The following CDC42BPB variants were observed in gnomAD, a reference collection of about 807,000 sequenced individuals.
CDC42BPB encodes CDC42 binding protein kinase beta.
CDC42BPB carries 37 observed loss-of-function variants against 214.9 expected under a neutral mutation model. That is an observed-to-expected ratio of 0.17 (90% CI 0.13 to 0.23). CDC42BPB has a LOEUF of 0.23. CDC42BPB is among the 10% of genes least tolerant of loss of function. CDC42BPB has a pLI of 1.00. For synonymous variants in CDC42BPB, 931 were observed against 884.0 expected (o/e 1.05, Z -0.94); for missense variants, 1,694 against 2,227.0 (o/e 0.76, Z 4.82).
chr14:103,056,293 GGTTT>G (rs1169788673), intron 1 of CDC42BPB, among the ~76,000 whole-genome samples: 1 of 152,112 alleles, frequency 6.6e-6, no homozygotes, highest in Non-Finnish European at 1.5e-5. Flanking sequence ...CCTCTTGCAC[GGTTT>G]ATTTAAAATA....
chr14:102,950,397 C>A, intron 25 of CDC42BPB, 69 bp downstream of exon 25: 1 of 1,580,134 alleles, frequency 6.3e-7, no homozygotes. Context: ...TCAAGAGTGG[C>A]TGGGCATGGC....
chr14:103,039,649 C>T (rs1347385739), intron 1 of CDC42BPB, among the ~76,000 whole-genome samples: 1 of 152,052 alleles, frequency 6.6e-6, no homozygotes, highest in Non-Finnish European at 1.5e-5. Flanking sequence ...TATGAAAACC[C>T]GCAGCTAATG....
intron 1 of CDC42BPB, among the ~76,000 whole-genome samples, chr14:103,046,209 C>G (rs901606272): frequency 6.6e-6 from 1 of 151,850 alleles, no homozygotes; most frequent in Non-Finnish European, 1.5e-5. Context: ...GACAGCTATG[C>G]CCCCCAACCC....
At chr14:102,985,135 A>G (rs1226457226) in intron 6 of CDC42BPB, among the ~76,000 whole-genome samples, 25 of 115,124 alleles carry the variant, frequency 2.2e-4, no homozygotes, top group African/African-American at 5.9e-4. Flanking sequence ...ATACCGTGAC[A>G]GGGTGGTGTG....
chr14:102,992,802 TA>T (rs1444954661), intron 5 of CDC42BPB, among the ~76,000 whole-genome samples: 4 of 148,260 alleles, frequency 2.7e-5, no homozygotes, highest in Admixed American at 6.8e-5. Flanking sequence ...TTCAAAAATA[TA>T]TATTAAAAAT....
At chr14:102,947,649 G>A in intron 27 of CDC42BPB, 72 bp downstream of exon 27, 2 of 1,339,302 alleles carry the variant, frequency 1.5e-6, no homozygotes, top group Non-Finnish European at 1.1e-6. Context: ...GGCTGCCGCA[G>A]CACAATGACA....
intron 7 of CDC42BPB, among the ~76,000 whole-genome samples, chr14:102,981,815 G>A (rs1894017003): frequency 6.6e-6 from 1 of 152,184 alleles, no homozygotes; most frequent in African/African-American, 2.4e-5. Context: ...AAAGGAACAT[G>A]TCTGTGTGCT....
intron 1 of CDC42BPB, among the ~76,000 whole-genome samples, chr14:103,012,538 C>T (rs1204848554): frequency 6.6e-6 from 1 of 152,192 alleles, no homozygotes; most frequent in Non-Finnish European, 1.5e-5. Context: ...GGCGCGGTGG[C>T]TCATGGCTGT....
chr14:103,029,338 G>A (rs965521011), intron 1 of CDC42BPB, among the ~76,000 whole-genome samples: 3 of 152,054 alleles, frequency 2.0e-5, no homozygotes, highest in Non-Finnish European at 4.4e-5. Flanking sequence ...TCAGGAGATC[G>A]AAACCATCCT....
At chr14:102,995,365 A>T (rs13379309) in intron 5 of CDC42BPB, among the ~76,000 whole-genome samples, 2 of 152,036 alleles carry the variant, frequency 1.3e-5, no homozygotes, top group Non-Finnish European at 2.9e-5. Context: ...TAGTAGAGAC[A>T]GGTTTTACCA....
intron 5 of CDC42BPB, among the ~76,000 whole-genome samples, chr14:102,994,333 C>T (rs898903440): frequency 2.6e-5 from 4 of 152,040 alleles, no homozygotes; most frequent in South Asian, 2.1e-4. Context: ...TCATCTGCGC[C>T]GTATAATTCT....
chr14:103,018,982 C>T (rs1393816174), intron 1 of CDC42BPB, among the ~76,000 whole-genome samples: 9 of 152,074 alleles, frequency 5.9e-5, no homozygotes, highest in Non-Finnish European at 1.3e-4. Context: ...TTTGCTCTGT[C>T]GACCAGGCTG....
At chr14:102,955,841 C>T (rs543103062) in intron 21 of CDC42BPB, among the ~76,000 whole-genome samples, 1 of 152,322 alleles carries the variant, frequency 6.6e-6, no homozygotes, top group Non-Finnish European at 1.5e-5. Context: ...ACATCAGAAT[C>T]CCAATGAACC....
chr14:103,008,697 T>G, intron 2 of CDC42BPB, 142 bp from the exon 3 acceptor site: 1 of 1,454,952 alleles, frequency 6.9e-7, no homozygotes, highest in South Asian at 1.5e-5. Context: ...CCACCTAGCA[T>G]GTGCCAGTTC....
intron 5 of CDC42BPB, among the ~76,000 whole-genome samples, chr14:102,986,939 G>A (rs1232870101): frequency 3.3e-5 from 5 of 152,168 alleles, no homozygotes; most frequent in East Asian, 1.9e-4. Flanking sequence ...GCCTGCACAC[G>A]AGCTGAGGTC....
At position 102,978,182 on chromosome 14, in the gene CDC42BPB, G is replaced by T. The variant is rs1437531053; in HGVS notation, c.1164C>A (p.His388Gln). The stretch of plus-strand genomic sequence containing the variant: ...GCAAATGTAATCCAGAAAAGCCTGT[G>T]TGAGAACCAGGAGGTAATATTTCCT... ...RNTEILPPGS[H>Q]TGFSGLHLPF... is the part of the protein sequence containing the mutation. Residue 388 changes from histidine to glutamine, a missense_variant, in exon 9 of 37, where the codon CAC (histidine) becomes CAA (glutamine). Physicochemically the swap from His to Gln is conservative, Grantham distance 24. Coordinates refer to ENST00000361246, the MANE Select transcript of CDC42BPB (RefSeq NM_006035.4). The T allele has an allele frequency of 6.2e-7, 1 of 1,613,316 alleles. No individual in the cohort carries two copies. The highest frequency in any genetic ancestry group is 1.3e-5 in the African/African-American group (1 of 74,920).
intron 1 of CDC42BPB, among the ~76,000 whole-genome samples, chr14:103,031,253 T>C (rs997822904): frequency 6.6e-6 from 1 of 152,048 alleles, no homozygotes; most frequent in Admixed American, 6.6e-5. Flanking sequence ...AACGCAGTAA[T>C]AAACAGGAAG....
intron 6 of CDC42BPB, among the ~76,000 whole-genome samples, chr14:102,984,137 T>A (rs1894130574): frequency 6.6e-6 from 1 of 152,246 alleles, no homozygotes; most frequent in South Asian, 2.1e-4. Flanking sequence ...GAAACTCTTG[T>A]ACACATGGTC....
In CDC42BPB at chr14:102,979,903, C is replaced by G. The variant is rs568128988; in HGVS notation, c.1140+870G>C. Among the ~76,000 whole-genome samples the G allele has an allele frequency of 2.6e-5, 4 of 152,258 alleles. No homozygotes were observed. The East Asian group carries it at 7.7e-4, about 29-fold the overall frequency. On this transcript the variant is annotated intron_variant, in intron 8 of 36. Transcript: ENST00000361246. ...CAAGTCCCACAGCTGGAACCCAACT[C>G]GGAAAATCCTGATCTTAAACATCAG...
Sources: allele counts gnomAD v4.1 joint callset (sites outside exome capture counted in the v4.1 genomes callset), GRCh38; gene constraint gnomAD v4.1.1; transcripts MANE v1.5; gene names NCBI Gene and HGNC (gene_info 2026-07-23, HGNC 2026-07-21).